The following PRKCH variants were observed in gnomAD, a reference collection of about 807,000 sequenced individuals.
PRKCH encodes protein kinase C eta type.
In PRKCH, 28 loss-of-function variants were observed where a neutral mutation model predicts 82.5. That is an observed-to-expected ratio of 0.34 (90% CI 0.25 to 0.47). The LOEUF (loss-of-function observed/expected upper bound fraction) is 0.47. Among genes scored for constraint, PRKCH ranks in the 20% least tolerant of loss-of-function variants. PRKCH has a pLI of 1.00. For synonymous variants in PRKCH, 322 were observed against 327.4 expected (o/e 0.98, Z 0.18); for missense variants, 705 against 881.8 (o/e 0.80, Z 2.54).
chr14:61,423,138 C>T (rs34520909), intron 2 of PRKCH, among the ~76,000 whole-genome samples: 1 of 152,206 alleles, frequency 6.6e-6, no homozygotes, highest in South Asian at 2.1e-4. Context: ...ACCACAGTTG[C>T]TACACTGAGA....
intron 1 of PRKCH, among the ~76,000 whole-genome samples, chr14:61,312,215 C>T (rs1388337675): frequency 6.6e-6 from 1 of 152,174 alleles, no homozygotes; most frequent in Non-Finnish European, 1.5e-5. Flanking sequence ...TAAACATTTG[C>T]TAAATTTCTG....
intron 1 of PRKCH, among the ~76,000 whole-genome samples, chr14:61,251,196 C>T (rs980928820): frequency 6.6e-6 from 1 of 152,160 alleles, no homozygotes; most frequent in Admixed American, 6.5e-5. Flanking sequence ...AGCGTTTATC[C>T]TTTGTGTTAC....
intron 2 of PRKCH, among the ~76,000 whole-genome samples, chr14:61,409,678 T>C (rs1463058289): frequency 1.7e-5 from 2 of 114,874 alleles, no homozygotes; most frequent in Non-Finnish European, 3.3e-5. Flanking sequence ...CTGAGTAACA[T>C]GAGTGACACA....
At chr14:61,282,759 G>A (rs1255141084) in intron 1 of PRKCH, among the ~76,000 whole-genome samples, 1 of 152,116 alleles carries the variant, frequency 6.6e-6, no homozygotes, top group Non-Finnish European at 1.5e-5. Context: ...TTTGTTAAAT[G>A]AATGCAAGTT....
At chr14:61,254,197 T>A (rs1465898211) in intron 1 of PRKCH, among the ~76,000 whole-genome samples, 1 of 152,122 alleles carries the variant, frequency 6.6e-6, no homozygotes, top group Non-Finnish European at 1.5e-5. Context: ...AGCTGTTTGC[T>A]AACATCCCAG....
At chr14:61,486,872 G>A (rs566066330) in intron 10 of PRKCH, among the ~76,000 whole-genome samples, 1 of 151,950 alleles carries the variant, frequency 6.6e-6, no homozygotes, top group Non-Finnish European at 1.5e-5. Flanking sequence ...AAAAATTTTC[G>A]TATATTAGGG....
At position 61,280,360 on chromosome 14, in the gene PRKCH, C is replaced by A. The variant is rs1472635881; in HGVS notation, c.-19+92692C>A. ...CTGGCGGATGCGCGCGTACAGTTTG[C>A]GGAACGTGGGCAGCGCCGCCGTGCG... On this transcript the variant is annotated intron_variant, in intron 1 of 3. Coordinates refer to the PRKCH transcript ENST00000555185. This position sits in a 1 kb window ranked among gnomAD's most constrained non-coding sequence, Gnocchi z 5.0. 1 of 1,613,958 alleles carries A rather than the reference C, an allele frequency of 6.2e-7. No homozygotes were observed.
chr14:61,269,746 T>C (rs1259432096), intron 1 of PRKCH, among the ~76,000 whole-genome samples: 1 of 152,226 alleles, frequency 6.6e-6, no homozygotes, highest in Non-Finnish European at 1.5e-5. Flanking sequence ...TGATTCTGTC[T>C]ATGTCCAGCG....
At chr14:61,527,903 G>C (rs1422767138) in intron 10 of PRKCH, 2 of 152,004 alleles carry the variant, frequency 1.3e-5, no homozygotes, top group Non-Finnish European at 2.9e-5. Flanking sequence ...TTCTCTGCCT[G>C]GGAGACTCTG....
intron 5 of PRKCH, among the ~76,000 whole-genome samples, 190 bp from the exon 6 acceptor site, chr14:61,450,652 G>A (rs540079440): frequency 1.2e-4 from 19 of 152,286 alleles, no homozygotes; most frequent in African/African-American, 4.1e-4. Flanking sequence ...GTCTTGTCCT[G>A]TTCATTAGAA....
At chr14:61,336,517 G>A (rs1480258829) in intron 1 of PRKCH, among the ~76,000 whole-genome samples, 1 of 152,212 alleles carries the variant, frequency 6.6e-6, no homozygotes, top group Non-Finnish European at 1.5e-5. Flanking sequence ...ATATTGGACA[G>A]CAGAGGGTCT....
intron 1 of PRKCH, among the ~76,000 whole-genome samples, chr14:61,231,746 A>T (rs1217669599): frequency 1.3e-5 from 2 of 152,058 alleles, no homozygotes; most frequent in African/African-American, 4.8e-5. Flanking sequence ...AACTAATCTG[A>T]TGAAATGTAG....
At chr14:61,333,431 A>G (rs117987304) in intron 1 of PRKCH, among the ~76,000 whole-genome samples, 6,233 of 152,312 alleles carry the variant, frequency 0.041, 170 homozygotes, top group Middle Eastern at 0.078. Flanking sequence ...AATTCCTAAC[A>G]TTCAGGGTGT....
At chr14:61,489,420 C>A (rs993534571) in intron 10 of PRKCH, among the ~76,000 whole-genome samples, 2 of 152,268 alleles carry the variant, frequency 1.3e-5, no homozygotes, top group African/African-American at 4.8e-5. Flanking sequence ...TCTTCTTTAG[C>A]TGCCTGTGCC....
At chr14:61,545,489 C>T (rs564804392) in intron 12 of PRKCH, among the ~76,000 whole-genome samples, 1 of 152,308 alleles carries the variant, frequency 6.6e-6, no homozygotes, top group African/African-American at 2.4e-5. Flanking sequence ...TAGTGTGCTG[C>T]CTTACATGTA....
chr14:61,530,671 G>T, intron 12 of PRKCH, 76 bp downstream of exon 12: 1 of 1,405,666 alleles, frequency 7.1e-7, no homozygotes, highest in South Asian at 1.5e-5. Context: ...AGTCTTTTCA[G>T]TACTTCCCAC....
intron 2 of PRKCH, among the ~76,000 whole-genome samples, chr14:61,414,622 T>C (rs536041871): frequency 6.8e-6 from 1 of 147,220 alleles, no homozygotes; most frequent in South Asian, 2.2e-4. Context: ...AGTCTCACTC[T>C]GTTGCCCAGG....
chr14:61,266,017 C>T (rs1220701864), intron 1 of PRKCH, among the ~76,000 whole-genome samples: 2 of 151,924 alleles, frequency 1.3e-5, no homozygotes, highest in Non-Finnish European at 1.5e-5. Flanking sequence ...ATCACTTGAA[C>T]CTGGGAGGCA....
At chr14:61,352,074 C>CTAGTGG (rs1381945978) in intron 1 of PRKCH, among the ~76,000 whole-genome samples, 2 of 152,108 alleles carry the variant, frequency 1.3e-5, no homozygotes, top group Non-Finnish European at 2.9e-5. Flanking sequence ...GCAACTTGAA[C>CTAGTGG]CCCTGGGTTC....
Sources: allele counts gnomAD v4.1 joint callset (sites outside exome capture counted in the v4.1 genomes callset), GRCh38; gene constraint gnomAD v4.1.1; non-coding constraint Gnocchi (gnomAD v3.1); transcripts MANE v1.5; gene names NCBI Gene and HGNC (gene_info 2026-07-23, HGNC 2026-07-21).